Variants in METTL15 observed in about 807,000 individuals in gnomAD.
METTL15 encodes methyltransferase 15, mitochondrial 12S rRNA N4-cytidine.
METTL15 carries 34 observed loss-of-function variants against 38.3 expected under a neutral mutation model. That is an observed-to-expected ratio of 0.89 (90% CI 0.68 to 1.18). The LOEUF (loss-of-function observed/expected upper bound fraction) is 1.18. Ranked by LOEUF, METTL15 falls within the 50% of genes most tolerant of loss-of-function variation. METTL15 has a pLI of 0.00. For missense variants in METTL15, 438 were observed against 498.4 expected (o/e 0.88, Z 1.15); for synonymous variants, 162 against 170.9 (o/e 0.95, Z 0.41).
At chr11:28,410,047 T>G (rs1850711396) in intron 5 of METTL15, among the ~76,000 whole-genome samples, 1 of 152,106 alleles carries the variant, frequency 6.6e-6, no homozygotes, top group African/African-American at 2.4e-5. Flanking sequence ...AAAATGTAAC[T>G]TCTCAAGATT....
At chr11:28,514,668 C>A (rs996207527) in intron 6 of METTL15, among the ~76,000 whole-genome samples, 7 of 152,146 alleles carry the variant, frequency 4.6e-5, no homozygotes, top group African/African-American at 1.7e-4. Context: ...TAAACTTGTT[C>A]CCTGTTGAAG....
chr11:28,257,077 G>A (rs990885838), intron 4 of METTL15, among the ~76,000 whole-genome samples: 8 of 152,116 alleles, frequency 5.3e-5, no homozygotes, highest in Non-Finnish European at 1.0e-4. Flanking sequence ...TGTCGGATGG[G>A]TCTGGTGTTC....
rs551218414 is a variant in METTL15, at chr11:28,392,664, A to G, written c.*358+30628A>G. Among the ~76,000 whole-genome samples, 4 of 152,290 alleles carry G rather than the reference A, an allele frequency of 2.6e-5. No individual in the cohort carries two copies. The South Asian group carries it at 8.3e-4, about 32-fold the overall frequency. Reference sequence around the variant, plus strand: ...AGCAAAAGCAGACAAATGGTACTATATCAAACTTAAAAAGTTTTGCACATC... The same window carrying G: ...AGCAAAAGCAGACAAATGGTACTATGTCAAACTTAAAAAGTTTTGCACATC... On this transcript the variant is annotated intron_variant and NMD_transcript_variant, in intron 5 of 7. Coordinates refer to the METTL15 transcript ENST00000532947.
chr11:28,485,622 G>C (rs1437853033), intron 6 of METTL15, among the ~76,000 whole-genome samples: 1 of 152,238 alleles, frequency 6.6e-6, no homozygotes, highest in South Asian at 2.1e-4. Context: ...GGAGAGAGTA[G>C]AGAGTAGAAA....
intron 6 of METTL15, among the ~76,000 whole-genome samples, chr11:28,506,828 T>C (rs1047703075): frequency 6.2e-5 from 9 of 146,314 alleles, no homozygotes; most frequent in Admixed American, 2.1e-4. Context: ...CATTGCAACC[T>C]CTGCCTCCTG....
chr11:28,189,703 T>A lies in METTL15; in HGVS notation c.271-21359T>A, dbSNP rs565614628. Reference sequence around the variant, plus strand: ...AGTAAGCTTTCATGAGTGAATCATGTCCATTTGATGATTCCCTGTGGTGAT... The same window carrying A: ...AGTAAGCTTTCATGAGTGAATCATGACCATTTGATGATTCCCTGTGGTGAT... On this transcript the variant is annotated intron_variant, in intron 3 of 6. Coordinates refer to ENST00000407364, the MANE Select transcript of METTL15 (RefSeq NM_001113528.2). Among the ~76,000 whole-genome samples the A allele has an allele frequency of 4.0e-4, 60 of 151,382 alleles. 1 individual carries two copies. Among genetic ancestry groups the A allele is most frequent in the African/African-American group, 1.4e-3 (59 of 41,478 alleles).
chr11:28,448,436 T>G (rs1233304791), intron 6 of METTL15, among the ~76,000 whole-genome samples: 1 of 152,148 alleles, frequency 6.6e-6, no homozygotes, highest in Non-Finnish European at 1.5e-5. Flanking sequence ...AGGATCAAGA[T>G]CTTGCTTCTC....
chr11:28,479,091 G>A (rs1430597480), intron 6 of METTL15, among the ~76,000 whole-genome samples: 1 of 136,500 alleles, frequency 7.3e-6, no homozygotes, highest in African/African-American at 2.8e-5. Flanking sequence ...GTGTGTGTGT[G>A]TGTGTTTGCT....
intron 2 of METTL15, among the ~76,000 whole-genome samples, chr11:28,111,404 C>CGTAT (rs1407431922): frequency 6.6e-6 from 1 of 152,054 alleles, no homozygotes; most frequent in Non-Finnish European, 1.5e-5. Flanking sequence ...ACTTTTTAGG[C>CGTAT]GTATACATTG....
At chr11:28,469,634 C>A (rs571294058) in intron 6 of METTL15, among the ~76,000 whole-genome samples, 1 of 152,048 alleles carries the variant, frequency 6.6e-6, no homozygotes, top group African/African-American at 2.4e-5. Flanking sequence ...ATGATAACAA[C>A]CTCTTCATTA....
At chr11:28,134,334 G>C (rs1269464350) in intron 3 of METTL15, among the ~76,000 whole-genome samples, 2 of 152,114 alleles carry the variant, frequency 1.3e-5, no homozygotes, top group Admixed American at 1.3e-4. Flanking sequence ...AATGGTCTGG[G>C]TTCCCTATTT....
chr11:28,302,559 G>A (rs1002159178), intron 6 of METTL15, among the ~76,000 whole-genome samples: 26 of 152,102 alleles, frequency 1.7e-4, no homozygotes, highest in Non-Finnish European at 2.6e-4. Context: ...TTTGCTTGCT[G>A]CCATCCACAT....
chr11:28,425,621 G>A (rs1029351665), intron 6 of METTL15, among the ~76,000 whole-genome samples: 1 of 152,078 alleles, frequency 6.6e-6, no homozygotes, highest in Admixed American at 6.5e-5. Context: ...GGAATATTTG[G>A]TTCCCGTACT....
chr11:28,127,930 A>G (rs1590768222), intron 3 of METTL15, among the ~76,000 whole-genome samples: 1 of 152,202 alleles, frequency 6.6e-6, no homozygotes, highest in Non-Finnish European at 1.5e-5. Flanking sequence ...TCATGTGTTT[A>G]TAGCTACATT....
chr11:28,318,465 C>T (rs940563618), intron 6 of METTL15, among the ~76,000 whole-genome samples: 8 of 151,778 alleles, frequency 5.3e-5, no homozygotes, highest in Admixed American at 3.9e-4. Context: ...CATTCTAGGC[C>T]GAAGGAACGG....
At chr11:28,450,250 G>T (rs781743161) in intron 6 of METTL15, among the ~76,000 whole-genome samples, 12 of 152,120 alleles carry the variant, frequency 7.9e-5, no homozygotes, top group Non-Finnish European at 1.5e-4. Flanking sequence ...TCTTATTCAA[G>T]AAATGAAACT....
intron 5 of METTL15, among the ~76,000 whole-genome samples, chr11:28,388,376 T>A (rs913425701): frequency 1.8e-4 from 27 of 152,160 alleles, no homozygotes; most frequent in Middle Eastern, 6.8e-3. Context: ...TTGCATGATA[T>A]AGAATCAACA....
intron 6 of METTL15, among the ~76,000 whole-genome samples, chr11:28,456,561 T>C (rs2133451943): frequency 6.7e-6 from 1 of 149,154 alleles, no homozygotes; most frequent in Non-Finnish European, 1.5e-5. Context: ...CCTGCCTCAG[T>C]CCCCGAGTAG....
At chr11:28,199,614 A>T (rs1852033569) in intron 3 of METTL15, among the ~76,000 whole-genome samples, 1 of 152,090 alleles carries the variant, frequency 6.6e-6, no homozygotes, top group African/African-American at 2.4e-5. Flanking sequence ...GTAGGGAAAA[A>T]TGCTTATTTC....
Sources: allele counts gnomAD v4.1 joint callset (sites outside exome capture counted in the v4.1 genomes callset), GRCh38; gene constraint gnomAD v4.1.1; transcripts MANE v1.5; gene names NCBI Gene and HGNC (gene_info 2026-07-23, HGNC 2026-07-21).